Variants in TBL1X observed in about 807,000 individuals in gnomAD.
TBL1X encodes the protein F-box-like/WD repeat-containing protein TBL1X.
A neutral mutation model predicts 50.7 loss-of-function variants in TBL1X; 10 were observed. That is an observed-to-expected ratio of 0.20 (90% CI 0.12 to 0.33). The LOEUF (loss-of-function observed/expected upper bound fraction) is 0.33. Among genes scored for constraint, TBL1X ranks in the 10% least tolerant of loss-of-function variants. The pLI is 1.00. For missense variants in TBL1X, 340 were observed against 504.4 expected (o/e 0.67, Z 3.12); for synonymous variants, 190 against 214.7 (o/e 0.88, Z 1.01).
intron 17 of TBL1X, among the ~76,000 whole-genome samples, chrX:9,715,683 C>A (rs2083274014): frequency 8.9e-6 from 1 of 112,307 alleles, no homozygotes; most frequent in East Asian, 2.8e-4. Flanking sequence ...CTACTGTGCA[C>A]AGGGTGGCCA....
intron 1 of TBL1X, among the ~76,000 whole-genome samples, chrX:9,486,219 T>C (rs1005313975): frequency 9.4e-6 from 1 of 106,683 alleles, no homozygotes; most frequent in African/African-American, 3.5e-5. Flanking sequence ...TACCTGGACA[T>C]TTTTTTCTAT....
At chrX:9,498,792 C>T (rs1260328303) in intron 1 of TBL1X, among the ~76,000 whole-genome samples, 1 of 112,293 alleles carries the variant, frequency 8.9e-6, no homozygotes, top group African/African-American at 3.2e-5. Flanking sequence ...TTAGGTTTTG[C>T]GTGCTGTCCG....
intron 6 of TBL1X, among the ~76,000 whole-genome samples, chrX:9,685,853 C>G (rs1221864015): frequency 9.3e-6 from 1 of 107,950 alleles, no homozygotes; most frequent in Non-Finnish European, 1.9e-5. Flanking sequence ...TCCTGAGCAG[C>G]TGGAACTTAT....
At chrX:9,464,477 G>T (rs1261366368), upstream of TBL1X, among the ~76,000 whole-genome samples, 1 of 111,311 alleles carries the variant, frequency 9.0e-6, no homozygotes, top group Non-Finnish European at 1.9e-5. Flanking sequence ...GACTACTGGG[G>T]TGTCTTCTAA....
chrX:9,464,946 C>G (rs1452999247), upstream of TBL1X: 1 of 109,690 alleles, frequency 9.1e-6, no homozygotes, highest in South Asian at 3.8e-4. Flanking sequence ...GACGCGGCTC[C>G]CCCGGGGCGC....
chrX:9,705,979 G>A (rs1307303033), intron 13 of TBL1X, among the ~76,000 whole-genome samples: 1 of 111,102 alleles, frequency 9.0e-6, no homozygotes, highest in African/African-American at 3.3e-5. Context: ...TGAAGCAGGA[G>A]CAGGCACCTC....
chrX:9,679,014 T>A (rs1329493253), intron 5 of TBL1X, among the ~76,000 whole-genome samples: 1 of 110,401 alleles, frequency 9.1e-6, no homozygotes, highest in African/African-American at 3.3e-5. Flanking sequence ...GCCTTTCAGT[T>A]TATCATGATT....
At chrX:9,492,708 A>G (rs2081950516) in intron 1 of TBL1X, among the ~76,000 whole-genome samples, 1 of 110,966 alleles carries the variant, frequency 9.0e-6, no homozygotes, top group Non-Finnish European at 1.9e-5. Context: ...CATAAGAAGG[A>G]ATCAAACTTC....
intron 2 of TBL1X, among the ~76,000 whole-genome samples, chrX:9,509,072 G>GT (rs1196383492): frequency 3.6e-5 from 2 of 55,600 alleles, no homozygotes; most frequent in Non-Finnish European, 7.0e-5. Context: ...CATGTATCCT[G>GT]TTTTTTTTGT....
chrX:9,484,402 T>G (rs1284933135), intron 1 of TBL1X, among the ~76,000 whole-genome samples: 1 of 112,070 alleles, frequency 8.9e-6, no homozygotes, highest in East Asian at 2.8e-4. Flanking sequence ...TTACTTGTGC[T>G]TTTTTGTAAT....
intron 5 of TBL1X, among the ~76,000 whole-genome samples, chrX:9,674,488 C>T (rs1463275510): frequency 9.0e-6 from 1 of 111,629 alleles, no homozygotes; most frequent in Admixed American, 9.5e-5. Context: ...TCTCGAACTC[C>T]TGGGCTCAAG....
intron 5 of TBL1X, among the ~76,000 whole-genome samples, chrX:9,667,233 C>G (rs1045682023): frequency 9.0e-6 from 1 of 111,721 alleles, no homozygotes; most frequent in African/African-American, 3.3e-5. Flanking sequence ...TGCACTCCAG[C>G]CTGGGTGACA....
chrX:9,674,209 G>A (rs1200448467), intron 5 of TBL1X, among the ~76,000 whole-genome samples: 2 of 112,151 alleles, frequency 1.8e-5, no homozygotes, highest in African/African-American at 6.5e-5. Context: ...AATTAAGGTT[G>A]CAATGAGCAG....
chrX:9,578,051 C>G (rs1013718490), intron 2 of TBL1X, among the ~76,000 whole-genome samples: 5 of 111,946 alleles, frequency 4.5e-5, no homozygotes, highest in African/African-American at 1.6e-4. Flanking sequence ...CATGCGTGCC[C>G]TTTCCACCAG....
chrX:9,694,846 G>A (rs1418310260), intron 11 of TBL1X, among the ~76,000 whole-genome samples: 1 of 109,985 alleles, frequency 9.1e-6, no homozygotes, highest in Non-Finnish European at 1.9e-5. Flanking sequence ...GGTGGGGGAT[G>A]CCTGTAATCC....
rs1453661387 is a variant in TBL1X at position 9,690,480 on chromosome X, C to G, written c.617-1099C>G. Among the ~76,000 whole-genome samples the G allele has an allele frequency of 1.3e-4, 15 of 111,260 alleles. No individual in the cohort carries two copies. The Admixed American group carries it at 1.4e-3, about 11-fold the overall frequency. On this transcript the variant is annotated intron_variant, in intron 7 of 17. Coordinates refer to ENST00000645353, the MANE Select transcript of TBL1X (RefSeq NM_005647.4). The stretch of plus-strand genomic sequence containing the variant: ...CTGATCTCCTCTTCTCATAAGGACA[C>G]CAGTCCCACTGGGTTAGGGCCCACC...
chrX:9,715,820 C>G (rs1386612944), intron 17 of TBL1X, among the ~76,000 whole-genome samples: 1 of 96,692 alleles, frequency 1.0e-5, no homozygotes, highest in Non-Finnish European at 2.0e-5. Flanking sequence ...TGAGGTTGCC[C>G]TGACCTCTGG....
At chrX:9,627,940 C>A (rs911142278) in intron 2 of TBL1X, among the ~76,000 whole-genome samples, 2 of 112,361 alleles carry the variant, frequency 1.8e-5, no homozygotes, top group African/African-American at 6.5e-5. Flanking sequence ...TAGACTCTTT[C>A]TTTCTGAATG....
At chrX:9,594,597 A>G (rs1292013892) in intron 2 of TBL1X, among the ~76,000 whole-genome samples, 1 of 112,154 alleles carries the variant, frequency 8.9e-6, no homozygotes, top group Non-Finnish European at 1.9e-5. Context: ...TAAGGTGAGA[A>G]TCATTTTGGA....
Sources: allele counts gnomAD v4.1 joint callset (sites outside exome capture counted in the v4.1 genomes callset), GRCh38; gene constraint gnomAD v4.1.1; transcripts MANE v1.5; gene names NCBI Gene and HGNC (gene_info 2026-07-23, HGNC 2026-07-21).